ZMAT4: variants seen among roughly 807,000 people sequenced by gnomAD.
The protein encoded by ZMAT4 is zinc finger matrin-type 4, also known as zinc finger matrin-type protein 4.
A neutral mutation model predicts 28.7 loss-of-function variants in ZMAT4; 17 were observed. The observed-to-expected ratio is 0.59, with a 90% CI of 0.41 to 0.89. The LOEUF (loss-of-function observed/expected upper bound fraction) is 0.89. ZMAT4 is among the 40% of genes least tolerant of loss of function. The pLI, the probability that ZMAT4 is intolerant of heterozygous loss-of-function variation, is 0.00. For missense variants in ZMAT4, 240 were observed against 283.8 expected (o/e 0.85, Z 1.11); for synonymous variants, 117 against 109.2 (o/e 1.07, Z -0.44).
intron 5 of ZMAT4, among the ~76,000 whole-genome samples, chr8:40,672,426 T>C (rs1455139508): frequency 1.3e-5 from 2 of 152,182 alleles, no homozygotes; most frequent in African/African-American, 4.8e-5. Context: ...GGATATCACC[T>C]GGAGCGTGTG....
At chr8:40,598,820 A>G (rs1314172691) in intron 5 of ZMAT4, among the ~76,000 whole-genome samples, 1 of 89,414 alleles carries the variant, frequency 1.1e-5, no homozygotes, top group Non-Finnish European at 2.7e-5. Flanking sequence ...TTAATGTTCC[A>G]AATGCAGTTT....
intron 3 of ZMAT4, among the ~76,000 whole-genome samples, chr8:40,742,477 C>T (rs1812051657): frequency 6.6e-6 from 1 of 151,656 alleles, no homozygotes. Flanking sequence ...AGTGATGTGT[C>T]TTAGGAGAGG....
At chr8:40,768,882 A>G (rs888050384) in intron 2 of ZMAT4, among the ~76,000 whole-genome samples, 2 of 152,066 alleles carry the variant, frequency 1.3e-5, no homozygotes, top group African/African-American at 4.8e-5. Flanking sequence ...GACTTTATTT[A>G]CAGTTGCATC....
chr8:40,843,756 G>A (rs1816782643), intron 1 of ZMAT4, among the ~76,000 whole-genome samples: 3 of 152,176 alleles, frequency 2.0e-5, no homozygotes, highest in Admixed American at 2.0e-4. Context: ...CAGAATGTGT[G>A]CATGCAAGTC....
intron 4 of ZMAT4, among the ~76,000 whole-genome samples, chr8:40,695,845 G>A (rs143874170): frequency 8.4e-6 from 1 of 118,396 alleles, no homozygotes; most frequent in East Asian, 2.8e-4. Flanking sequence ...GATGTGATAA[G>A]CAAACACACA....
intron 1 of ZMAT4, among the ~76,000 whole-genome samples, chr8:40,843,972 C>T (rs1387072888): frequency 6.6e-6 from 1 of 152,050 alleles, no homozygotes; most frequent in South Asian, 2.1e-4. Flanking sequence ...ACACAGTGCA[C>T]CTAGAAAACG....
At chr8:40,820,392 T>C (rs1446649053) in intron 2 of ZMAT4, among the ~76,000 whole-genome samples, 1 of 148,318 alleles carries the variant, frequency 6.7e-6, no homozygotes, top group Non-Finnish European at 1.5e-5. Context: ...GTAGAGGTGT[T>C]TGTGTGTATG....
intron 6 of ZMAT4, among the ~76,000 whole-genome samples, chr8:40,573,168 C>T (rs1804153384): frequency 6.6e-6 from 1 of 152,148 alleles, no homozygotes; most frequent in South Asian, 2.1e-4. Flanking sequence ...TCATCATCAC[C>T]AGGGCAGGCA....
At chr8:40,894,465 G>A (rs1428705819) in intron 1 of ZMAT4, among the ~76,000 whole-genome samples, 1 of 152,102 alleles carries the variant, frequency 6.6e-6, no homozygotes, top group Admixed American at 6.5e-5. Flanking sequence ...CCAGGAAAGA[G>A]AGGTAACCCT....
At chr8:40,536,602 A>G (rs1802855188) in intron 6 of ZMAT4, among the ~76,000 whole-genome samples, 1 of 151,948 alleles carries the variant, frequency 6.6e-6, no homozygotes, top group Admixed American at 6.6e-5. Flanking sequence ...GCTGGCTCTC[A>G]CATGTTGCCA....
At chr8:40,721,247 C>T (rs868484337) in intron 3 of ZMAT4, among the ~76,000 whole-genome samples, 17 of 143,884 alleles carry the variant, frequency 1.2e-4, no homozygotes, top group South Asian at 7.1e-4. Context: ...TTTGTTCTTG[C>T]GATAGTTTAC....
rs567474167 is a variant in ZMAT4, at chr8:40,617,263, C to T, written c.578-36002G>A. 2.6e-5 allele frequency among the ~76,000 whole-genome samples: 4 copies of T among 152,296 alleles called. No individual in the cohort carries two copies. In the South Asian group the frequency reaches 6.2e-4, roughly 24 times the overall value. On this transcript the variant is annotated intron_variant, in intron 5 of 6. Transcript: ENST00000297737. ...GAAAGGCAAAAGCAAGATGTTGGAA[C>T]GTTGGTTGCAACTTTGATGTACACA... is the stretch of plus-strand genomic sequence containing the variant.
chr8:40,879,258 C>T (rs1818141876), intron 1 of ZMAT4, among the ~76,000 whole-genome samples: 1 of 152,014 alleles, frequency 6.6e-6, no homozygotes, highest in Admixed American at 6.6e-5. Context: ...CCGAGCTCTA[C>T]AAAAAATTTA....
chr8:40,788,508 C>T (rs188754180), intron 2 of ZMAT4, among the ~76,000 whole-genome samples: 3 of 152,142 alleles, frequency 2.0e-5, no homozygotes, highest in Admixed American at 2.0e-4. Flanking sequence ...TGGCGTGAAC[C>T]CAGTAGGCAG....
At chr8:40,580,772 G>C (rs989029301) in intron 6 of ZMAT4, among the ~76,000 whole-genome samples, 4 of 152,104 alleles carry the variant, frequency 2.6e-5, no homozygotes, top group African/African-American at 9.7e-5. Flanking sequence ...TGGGGGATTT[G>C]TTATGTTTCT....
chr8:40,659,921 G>C (rs77892744), intron 5 of ZMAT4, among the ~76,000 whole-genome samples: 3,626 of 152,212 alleles, frequency 0.024, 67 homozygotes, highest in Non-Finnish European at 0.034. Context: ...GGTTTATATT[G>C]AGTGATAGAT....
chr8:40,790,823 C>T (rs1363141661), intron 2 of ZMAT4, among the ~76,000 whole-genome samples: 1 of 152,086 alleles, frequency 6.6e-6, no homozygotes, highest in Non-Finnish European at 1.5e-5. Context: ...CTTAGAATTG[C>T]CAAAACAACT....
intron 1 of ZMAT4, among the ~76,000 whole-genome samples, chr8:40,849,686 G>C (rs974564518): frequency 6.6e-6 from 1 of 152,140 alleles, no homozygotes; most frequent in Non-Finnish European, 1.5e-5. Context: ...CACCAAGACG[G>C]GAGAGAGGGA....
chr8:40,785,895 C>T (rs1212440881), intron 2 of ZMAT4, among the ~76,000 whole-genome samples: 1 of 152,094 alleles, frequency 6.6e-6, no homozygotes, highest in Non-Finnish European at 1.5e-5. Flanking sequence ...AAATAATTTG[C>T]TGTTTCATAG....
Sources: allele counts gnomAD v4.1 joint callset (sites outside exome capture counted in the v4.1 genomes callset), GRCh38; gene constraint gnomAD v4.1.1; transcripts MANE v1.5; gene names NCBI Gene and HGNC (gene_info 2026-07-23, HGNC 2026-07-21).